The following TEAD1 variants were observed in gnomAD, a reference collection of about 807,000 sequenced individuals.
TEAD1 encodes transcriptional enhancer factor TEF-1.
A neutral mutation model predicts 54.9 loss-of-function variants in TEAD1; 9 were observed. The observed-to-expected ratio is 0.16, with a 90% CI of 0.10 to 0.29. The LOEUF is 0.29. Among genes scored for constraint, TEAD1 ranks in the 10% least tolerant of loss-of-function variants. TEAD1 has a pLI of 1.00. For missense variants in TEAD1, 387 were observed against 535.9 expected, an observed-to-expected ratio of 0.72 and a Z score of 2.74; for synonymous variants, 200 against 187.8, an observed-to-expected ratio of 1.07 and a Z score of -0.53.
chr11:12,816,658 C>T (rs1443957448), intron 3 of TEAD1, among the ~76,000 whole-genome samples: 1 of 152,164 alleles, frequency 6.6e-6, no homozygotes, highest in Non-Finnish European at 1.5e-5. Context: ...AGTTGCTATA[C>T]ACAAGCCAGG....
chr11:12,807,325 T>C (rs1724206413), intron 3 of TEAD1, among the ~76,000 whole-genome samples: 1 of 152,220 alleles, frequency 6.6e-6, no homozygotes, highest in Non-Finnish European at 1.5e-5. Context: ...AAACGAATTC[T>C]CTGTAGGATA....
chr11:12,930,602 C>A (rs1948994830), intron 12 of TEAD1, among the ~76,000 whole-genome samples: 1 of 152,172 alleles, frequency 6.6e-6, no homozygotes, highest in African/African-American at 2.4e-5. Flanking sequence ...GTGTTTTTAT[C>A]TCTGGCTGCA....
At chr11:12,910,303 A>G (rs190291329) in intron 10 of TEAD1, among the ~76,000 whole-genome samples, 18 of 152,276 alleles carry the variant, frequency 1.2e-4, no homozygotes, top group Non-Finnish European at 1.5e-4. Flanking sequence ...AAGACATGCA[A>G]TTGAGACTAA....
At chr11:12,859,181 G>A (rs1032430109) in intron 3 of TEAD1, among the ~76,000 whole-genome samples, 25 of 152,312 alleles carry the variant, frequency 1.6e-4, no homozygotes, top group African/African-American at 5.5e-4. Context: ...CAGTCAAATA[G>A]GGCTGTCTTG....
intron 2 of TEAD1, among the ~76,000 whole-genome samples, chr11:12,749,746 C>T (rs974083374): frequency 2.0e-5 from 3 of 152,218 alleles, no homozygotes; most frequent in Admixed American, 6.5e-5. Flanking sequence ...CTTGTGCCCA[C>T]AGCAGGTGCT....
chr11:12,833,383 G>C (rs1163502294), intron 3 of TEAD1, among the ~76,000 whole-genome samples: 2 of 152,172 alleles, frequency 1.3e-5, no homozygotes, highest in Non-Finnish European at 1.5e-5. Flanking sequence ...TGGCCTCCTT[G>C]TGCTGAATAT....
chr11:12,788,268 C>T (rs1945722531), intron 3 of TEAD1, among the ~76,000 whole-genome samples: 1 of 151,928 alleles, frequency 6.6e-6, no homozygotes, highest in Admixed American at 6.6e-5. Flanking sequence ...TCTCTAGTAG[C>T]TGGGACTACA....
intron 2 of TEAD1, among the ~76,000 whole-genome samples, chr11:12,676,433 C>T (rs1943091437): frequency 6.6e-6 from 1 of 152,212 alleles, no homozygotes; most frequent in South Asian, 2.1e-4. Flanking sequence ...CGGATAGGGG[C>T]TTCTCTGAGG....
intron 9 of TEAD1, among the ~76,000 whole-genome samples, chr11:12,897,227 G>A (rs1948330596): frequency 6.6e-6 from 1 of 152,112 alleles, no homozygotes; most frequent in African/African-American, 2.4e-5. Flanking sequence ...CACTTTTGGG[G>A]AAACTACCAC....
At chr11:12,836,920 T>C (rs1348747049) in intron 3 of TEAD1, among the ~76,000 whole-genome samples, 1 of 152,242 alleles carries the variant, frequency 6.6e-6, no homozygotes, top group Non-Finnish European at 1.5e-5. Context: ...TGTTGTATTA[T>C]GAAATGCAGA....
chr11:12,890,203 G>A lies in TEAD1; in HGVS notation c.699+7078G>A, dbSNP rs548530388. On this transcript the variant is annotated intron_variant, in intron 9 of 12. Coordinates refer to ENST00000527636, the MANE Select transcript of TEAD1 (RefSeq NM_021961.6). ...CTGTGCCAAAGTTTACCACCACTCT[G>A]TATTCTTAACCATGTCACTGTACTT... 2.0e-5 allele frequency among the ~76,000 whole-genome samples: 3 copies of A among 152,258 alleles called. No homozygotes were observed. In the South Asian group the frequency reaches 6.2e-4, roughly 32 times the overall value.
At chr11:12,924,291 T>C (rs938257361) in intron 10 of TEAD1, among the ~76,000 whole-genome samples, 1 of 152,228 alleles carries the variant, frequency 6.6e-6, no homozygotes, top group East Asian at 1.9e-4. Context: ...ATGGTACTTA[T>C]TTTCTATCTG....
chr11:12,699,175 AT>A (rs1161208813), intron 2 of TEAD1, among the ~76,000 whole-genome samples: 1 of 151,076 alleles, frequency 6.6e-6, no homozygotes, highest in Non-Finnish European at 1.5e-5. Context: ...TTCACCATTT[AT>A]TTTTTTTCAT....
At chr11:12,762,984 C>T (rs1487794675) in intron 2 of TEAD1, among the ~76,000 whole-genome samples, 1 of 152,158 alleles carries the variant, frequency 6.6e-6, no homozygotes, top group Non-Finnish European at 1.5e-5. Context: ...TGAAACCCTC[C>T]CTACTCAGGC....
At chr11:12,879,266 C>G (rs954070836) in intron 5 of TEAD1, among the ~76,000 whole-genome samples, 2 of 152,350 alleles carry the variant, frequency 1.3e-5, no homozygotes, top group East Asian at 3.9e-4. Flanking sequence ...GATAGGGCTC[C>G]TCGAGCTCTG....
chr11:12,689,684 T>C (rs1564907651), intron 2 of TEAD1, among the ~76,000 whole-genome samples: 1 of 152,138 alleles, frequency 6.6e-6, no homozygotes, highest in African/African-American at 2.4e-5. Context: ...ATTTTTATTT[T>C]AGATTTTCAG....
At chr11:12,776,760 A>T (rs200588939) in intron 3 of TEAD1, among the ~76,000 whole-genome samples, 149 of 30,412 alleles carry the variant, frequency 4.9e-3, no homozygotes, top group South Asian at 0.011. Flanking sequence ...TTGGATATTT[A>T]TTATTATTAT....
At chr11:12,776,855 A>C (rs1025753918) in intron 3 of TEAD1, among the ~76,000 whole-genome samples, 1 of 150,794 alleles carries the variant, frequency 6.6e-6, no homozygotes, top group Non-Finnish European at 1.5e-5. Context: ...GCTGGAGTGC[A>C]ATGGCACCAT....
chr11:12,918,455 G>T (rs944596564), intron 10 of TEAD1, among the ~76,000 whole-genome samples: 1 of 151,878 alleles, frequency 6.6e-6, no homozygotes, highest in Non-Finnish European at 1.5e-5. Flanking sequence ...CATGTTCAAG[G>T]GTAATTACAA....
Sources: allele counts gnomAD v4.1 joint callset (sites outside exome capture counted in the v4.1 genomes callset), GRCh38; gene constraint gnomAD v4.1.1; transcripts MANE v1.5; gene names NCBI Gene and HGNC (gene_info 2026-07-23, HGNC 2026-07-21).